IFT56: variants seen among roughly 807,000 people sequenced by gnomAD.
IFT56 encodes intraflagellar transport 56, also known as intraflagellar transport protein 56.
the IFT56 span, among the ~76,000 whole-genome samples, chr7:139,178,898 TAAA>T: frequency 6.8e-6 from 1 of 147,020 alleles, no homozygotes; most frequent in Non-Finnish European, 1.5e-5. Context: ...CCCTGTCTCT[TAAA>T]AAAAAAAAAT....
chr7:139,156,432 T>C, the IFT56 span, among the ~76,000 whole-genome samples: 1 of 151,986 alleles, frequency 6.6e-6, no homozygotes, highest in Non-Finnish European at 1.5e-5. Context: ...GTCTTTCTTA[T>C]TTTCTTTTTT....
chr7:139,172,565 A>G, the IFT56 span: 1 of 552,908 alleles, frequency 1.8e-6, no homozygotes, highest in African/African-American at 1.9e-5. Context: ...ACAGGCAGCG[A>G]CACAAGCTGA....
the IFT56 span, among the ~76,000 whole-genome samples, chr7:139,180,331 G>A: frequency 4.6e-5 from 7 of 151,772 alleles, no homozygotes; most frequent in Middle Eastern, 3.4e-3. Context: ...GCGAGACTCC[G>A]TCTCAAAAAA....
the IFT56 span, among the ~76,000 whole-genome samples, chr7:139,135,277 CAAA>C: frequency 3.2e-5 from 2 of 63,036 alleles, no homozygotes; most frequent in Admixed American, 1.6e-4. Context: ...GACTCCGTCT[CAAA>C]AAAAAAAAAA....
chr7:139,136,153 G>C, the IFT56 span, among the ~76,000 whole-genome samples: 1 of 152,098 alleles, frequency 6.6e-6, no homozygotes, highest in African/African-American at 2.4e-5. Flanking sequence ...TCCAACTCCT[G>C]GCCTCAGGTG....
the IFT56 span, among the ~76,000 whole-genome samples, chr7:139,163,623 G>T: frequency 6.6e-6 from 1 of 152,218 alleles, no homozygotes; most frequent in South Asian, 2.1e-4. Context: ...AGAAAAATAG[G>T]GCACTATCCA....
the IFT56 span, among the ~76,000 whole-genome samples, chr7:139,170,698 T>TA: frequency 6.6e-6 from 1 of 152,174 alleles, no homozygotes; most frequent in South Asian, 2.1e-4. Context: ...AAATGGAACA[T>TA]ACCTCAAAAC....
the IFT56 span, chr7:139,134,562 C>T: frequency 2.0e-5 from 28 of 1,408,176 alleles, no homozygotes; most frequent in South Asian, 4.2e-4. Flanking sequence ...GCCACTGTGC[C>T]CGGCCTTGAC....
the IFT56 span, among the ~76,000 whole-genome samples, chr7:139,138,226 C>T: frequency 1.3e-5 from 2 of 152,152 alleles, no homozygotes; most frequent in African/African-American, 4.8e-5. Context: ...CAAGGTCAAT[C>T]TCAGTCTAAA....
chr7:139,137,956 T>C, the IFT56 span: 4 of 1,547,876 alleles, frequency 2.6e-6, no homozygotes, highest in South Asian at 4.6e-5. Context: ...GTAAAAAAAG[T>C]TTTTTTCCTA....
the IFT56 span, chr7:139,189,456 C>A: frequency 6.7e-7 from 1 of 1,488,734 alleles, no homozygotes; most frequent in Non-Finnish European, 9.3e-7. Flanking sequence ...TCCTAGGAAC[C>A]AGCTTCTACT....
At chr7:139,135,210 C>T in the IFT56 span, among the ~76,000 whole-genome samples, 3 of 133,336 alleles carry the variant, frequency 2.2e-5, no homozygotes, top group African/African-American at 2.9e-5. Context: ...ACCCGGGAGG[C>T]GGAGGTTGCA....
At chr7:139,138,691 A>G in the IFT56 span, among the ~76,000 whole-genome samples, 23 of 152,254 alleles carry the variant, frequency 1.5e-4, no homozygotes, top group African/African-American at 5.3e-4. Flanking sequence ...GGTTATTTTT[A>G]GACAAAGGAA....
chr7:139,137,059 G>A, the IFT56 span, among the ~76,000 whole-genome samples: 2 of 152,100 alleles, frequency 1.3e-5, no homozygotes, highest in Non-Finnish European at 2.9e-5. Flanking sequence ...TGTAATGACT[G>A]AGGCACCTGA....
chr7:139,186,833 G>A, the IFT56 span, among the ~76,000 whole-genome samples: 34 of 152,020 alleles, frequency 2.2e-4, no homozygotes, highest in South Asian at 6.9e-3. Context: ...GGTGGCTCAC[G>A]CCTGTAATCC....
At chr7:139,140,791 AAAAAAAAG>A in the IFT56 span, among the ~76,000 whole-genome samples, 1 of 151,130 alleles carries the variant, frequency 6.6e-6, no homozygotes, top group Admixed American at 6.6e-5. Context: ...AAAAAAAAAA[AAAAAAAAG>A]TTAATTAAAG....
chr7:139,160,026 A>AG, the IFT56 span, among the ~76,000 whole-genome samples: 1 of 152,308 alleles, frequency 6.6e-6, no homozygotes, highest in Non-Finnish European at 1.5e-5. Context: ...TATAAAAGGG[A>AG]TCTTGAGACC....
At chr7:139,177,730 G>T in the IFT56 span, among the ~76,000 whole-genome samples, 1 of 151,894 alleles carries the variant, frequency 6.6e-6, no homozygotes, top group Non-Finnish European at 1.5e-5. Flanking sequence ...TGTGGCAAGG[G>T]TGGGAGTTAT....
At chr7:139,144,850 A>G in the IFT56 span, among the ~76,000 whole-genome samples, 2 of 152,074 alleles carry the variant, frequency 1.3e-5, no homozygotes, top group African/African-American at 4.8e-5. Flanking sequence ...TTTCTTAAAT[A>G]TATTGATAAT....
Sources: gnomAD v4.1 joint callset for allele counts (sites outside exome capture counted in the v4.1 genomes callset) on GRCh38, gnomAD v4.1.1 for gene constraint, MANE v1.5 for transcripts, NCBI Gene and HGNC (gene_info 2026-07-23, HGNC 2026-07-21) for gene names.